TRAK1: variants seen among roughly 807,000 people sequenced by gnomAD.
TRAK1 encodes trafficking kinesin-binding protein 1.
TRAK1 carries 33 observed loss-of-function variants against 92.1 expected under a neutral mutation model. That is an observed-to-expected ratio of 0.36 (90% CI 0.27 to 0.48). The LOEUF (loss-of-function observed/expected upper bound fraction) is 0.48, where lower values mean the gene tolerates loss of function less well. Among genes scored for constraint, TRAK1 ranks in the 20% least tolerant of loss-of-function variants. TRAK1 has a pLI of 0.99. For synonymous variants in TRAK1, 521 were observed against 517.3 expected (o/e 1.01, Z -0.10); for missense variants, 1,123 against 1,257.9 (o/e 0.89, Z 1.62).
At chr3:42,043,420 CCCT>C (rs1471711855) in intron 1 of TRAK1, among the ~76,000 whole-genome samples, 3 of 151,882 alleles carry the variant, frequency 2.0e-5, no homozygotes, top group Non-Finnish European at 2.9e-5. Context: ...CCTCCTAGTC[CCCT>C]CCTCCTGACC....
chr3:42,114,567 T>G (rs2149091147), intron 1 of TRAK1, among the ~76,000 whole-genome samples: 1 of 152,348 alleles, frequency 6.6e-6, no homozygotes, highest in South Asian at 2.1e-4. Context: ...TTACTGCAAG[T>G]GTTGTTCCAA....
At chr3:42,124,476 A>G (rs539446491) in intron 1 of TRAK1, among the ~76,000 whole-genome samples, 1 of 152,322 alleles carries the variant, frequency 6.6e-6, no homozygotes, top group Admixed American at 6.5e-5. Context: ...AGTAGGGTAC[A>G]TATCCTGGTT....
chr3:42,073,543 A>G (rs895190046), intron 1 of TRAK1, among the ~76,000 whole-genome samples: 2 of 152,218 alleles, frequency 1.3e-5, no homozygotes, highest in African/African-American at 4.8e-5. Flanking sequence ...AAGCTCTAGC[A>G]TATGATTATT....
At chr3:42,183,368 C>T (rs1704285822) in intron 3 of TRAK1, among the ~76,000 whole-genome samples, 2 of 151,822 alleles carry the variant, frequency 1.3e-5, no homozygotes, top group South Asian at 4.2e-4. Flanking sequence ...CCAGTCTGGC[C>T]AACGTGGTGA....
intron 3 of TRAK1, among the ~76,000 whole-genome samples, chr3:42,180,344 G>A (rs1703828380): frequency 6.6e-6 from 1 of 152,020 alleles, no homozygotes; most frequent in Non-Finnish European, 1.5e-5. Context: ...GGGTAAATAG[G>A]GTATCAGGCT....
chr3:42,071,894 C>T (rs909897951), intron 1 of TRAK1, among the ~76,000 whole-genome samples: 2 of 152,150 alleles, frequency 1.3e-5, no homozygotes, highest in Non-Finnish European at 2.9e-5. Flanking sequence ...CTCAGATTTC[C>T]AACAGGGATT....
intron 14 of TRAK1, among the ~76,000 whole-genome samples, chr3:42,214,528 C>A (rs1233753629): frequency 1.3e-5 from 2 of 152,160 alleles, no homozygotes; most frequent in African/African-American, 2.4e-5. Flanking sequence ...TAGAAGATAC[C>A]CCAGGGGCAC....
At position 42,225,365 on chromosome 3, in the gene TRAK1, A is replaced by C. The variant is rs1001647539; in HGVS notation, c.*1628A>C. ...CCAAGGATACTTTGAGAAAGCCCCT[A>C]AGGAACAAGCCTCAGTCCCACGGTT... On this transcript the variant is annotated 3_prime_UTR_variant, in exon 16 of 16. Coordinates refer to ENST00000327628, the MANE Select transcript of TRAK1 (RefSeq NM_001042646.3). The C allele has an allele frequency of 1.3e-5, 2 of 152,250 alleles. No homozygotes were observed. Among genetic ancestry groups the C allele is most frequent in the Admixed American group, 6.5e-5 (1 of 15,288 alleles). 9.4% of individuals were successfully genotyped at this position (152,250 alleles called of 1,614,324 possible).
chr3:42,162,520 A>G (rs1486745871), intron 2 of TRAK1, among the ~76,000 whole-genome samples: 1 of 152,120 alleles, frequency 6.6e-6, no homozygotes, highest in African/African-American at 2.4e-5. Context: ...GCATTTTCTA[A>G]TAGGGGGATA....
chr3:42,112,752 A>AAAAT, intron 1 of TRAK1, among the ~76,000 whole-genome samples: 1 of 139,472 alleles, frequency 7.2e-6, no homozygotes, highest in Non-Finnish European at 1.5e-5. Context: ...AAAAAAAAAA[A>AAAAT]AAAACCAACT....
At chr3:42,196,835 G>A (rs11129945) in intron 10 of TRAK1, among the ~76,000 whole-genome samples, 42,297 of 151,250 alleles carry the variant, frequency 0.28, 6,521 homozygotes, top group East Asian at 0.43. Context: ...GGCATGAGCC[G>A]CCGCGCCTGG....
chr3:42,201,494 T>G (rs1162376780), intron 12 of TRAK1, among the ~76,000 whole-genome samples: 1 of 151,760 alleles, frequency 6.6e-6, no homozygotes, highest in Non-Finnish European at 1.5e-5. Context: ...GTTCTCCAAA[T>G]CTGTTCTGCT....
rs142895731 is a variant in TRAK1 at position 42,145,755 on chromosome 3, G to A, written c.286+20141G>A. The A allele has an allele frequency of 2.1e-3, 453 of 217,200 alleles. 1 individual carries two copies. Among genetic ancestry groups the A allele is most frequent in the African/African-American group, 0.01 (431 of 42,412 alleles). 13.5% of individuals were successfully genotyped at this position (217,200 alleles called of 1,614,324 possible). A position where few individuals can be genotyped will look rare whatever the true frequency, so the allele number is the denominator to read the frequency against. On this transcript the variant is annotated intron_variant, in intron 2 of 15. Coordinates refer to ENST00000327628, the MANE Select transcript of TRAK1 (RefSeq NM_001042646.3). ...CTCAAGACAATGAATATTGCATATT[G>A]TACTGAACAACCTTTCAATTTCAGC...
At chr3:42,049,900 T>A (rs1247541304) in intron 1 of TRAK1, among the ~76,000 whole-genome samples, 1 of 152,184 alleles carries the variant, frequency 6.6e-6, no homozygotes, top group African/African-American at 2.4e-5. Flanking sequence ...CTTTCTCTGT[T>A]TGCTTTGGTG....
At position 42,188,109 on chromosome 3, in the gene TRAK1, C is replaced by T. The variant is rs532538472; in HGVS notation, c.545C>T (p.Ala182Val). Residue 182 changes from alanine to valine, a missense_variant, in exon 5 of 16, where the codon GCG becomes GTG. Ala to Val is a moderately conservative substitution (Grantham distance 64, BLOSUM62 0). Around this residue, in one of 3 missense-constraint regions of TRAK1, gnomAD observed 686 missense variants for 747.6 expected, o/e 0.92. Coordinates refer to ENST00000327628, the MANE Select transcript of TRAK1 (RefSeq NM_001042646.3). Reference sequence around the variant, plus strand: ...CTGCTTCAGTTCTACACCAGCGCTGCGGAGGAGAGTGAGCCCGAGTCCGTT... The same window carrying T: ...CTGCTTCAGTTCTACACCAGCGCTGTGGAGGAGAGTGAGCCCGAGTCCGTT... ...DELLQFYTSAAEESEPESVCS... is the reference protein window; with the variant it reads ...DELLQFYTSAVEESEPESVCS... 6.5e-5 allele frequency: 105 copies of T among 1,614,090 alleles called. No individual in the cohort carries two copies. The highest frequency in any genetic ancestry group is 5.7e-4 in the Admixed American group (34 of 60,016).
chr3:42,081,526 A>G (rs1019091898), intron 1 of TRAK1, among the ~76,000 whole-genome samples: 1 of 152,152 alleles, frequency 6.6e-6, no homozygotes, highest in Admixed American at 6.5e-5. Flanking sequence ...GGAGCACACA[A>G]TTTTTTGGGG....
intron 1 of TRAK1, among the ~76,000 whole-genome samples, chr3:42,076,750 T>A (rs1345828175): frequency 1.3e-5 from 2 of 152,198 alleles, no homozygotes; most frequent in African/African-American, 4.8e-5. Context: ...CTTCTTAAAT[T>A]TTTATAGTTT....
intron 3 of TRAK1, among the ~76,000 whole-genome samples, chr3:42,177,763 G>A (rs535156300): frequency 2.4e-4 from 36 of 152,252 alleles, no homozygotes; most frequent in Middle Eastern, 6.8e-3. Context: ...TTCTTCCACC[G>A]TTTTTGTGTG....
Position 42,030,689 on chromosome 3 carries a change from AATATATATATATATAT to A in TRAK1, c.-519+16609_-519+16624del, listed in dbSNP as rs57651073. Among the ~76,000 whole-genome samples, 327 of 97,664 alleles carry A rather than the reference AATATATATATATATAT, an allele frequency of 3.3e-3. 10 individuals are homozygous for A. Among genetic ancestry groups the A allele is most frequent in the African/African-American group, 0.017 (312 of 18,084 alleles). The allele number at this position is 97,664 out of a possible 152,430, so 64.1% of individuals were successfully genotyped here. Reference sequence around the variant, plus strand: ...CTCCATCTCAAAAAAAAAAAAAAAGAATATATATATATATATATATATATATATATATATATATATA... The same window carrying A: ...CTCCATCTCAAAAAAAAAAAAAAAGAATATATATATATATATATATATATA... On this transcript the variant is annotated intron_variant, in intron 1 of 16. Transcript: ENST00000487159.
Sources: allele counts gnomAD v4.1 joint callset (sites outside exome capture counted in the v4.1 genomes callset), GRCh38; gene constraint gnomAD v4.1.1; regional missense constraint gnomAD v4.1.1; transcripts MANE v1.5; gene names NCBI Gene and HGNC (gene_info 2026-07-23, HGNC 2026-07-21).